RPS6KA2: variants seen among roughly 807,000 people sequenced by gnomAD.
The protein encoded by RPS6KA2 is ribosomal protein S6 kinase A2.
RPS6KA2 carries 42 observed loss-of-function variants against 91.8 expected under a neutral mutation model. The ratio of observed to expected loss-of-function variants is 0.46; its 90% CI spans 0.36 to 0.59. RPS6KA2 has a LOEUF of 0.59. Ranked by LOEUF, RPS6KA2 falls within the 20% of genes least tolerant of loss-of-function variation. The probability of loss-of-function intolerance (pLI) is 0.00; values close to 1 mark genes in which losing one functional copy is unlikely to be tolerated. For synonymous variants in RPS6KA2, 414 were observed against 393.6 expected, an observed-to-expected ratio of 1.05 and a Z score of -0.61; for missense variants, 798 against 978.5, an observed-to-expected ratio of 0.82 and a Z score of 2.46.
rs9459752 is a variant in RPS6KA2, at chr6:166,783,795, T to C, written c.123+74405A>G. Reference sequence around the variant, plus strand: ...GCACATCTATCTATAACTACATATATACACGTGCACAGTTACCTGTAACCA... The same window carrying C: ...GCACATCTATCTATAACTACATATACACACGTGCACAGTTACCTGTAACCA... On this transcript the variant is annotated intron_variant, in intron 2 of 21. Transcript: ENST00000503859. Among the ~76,000 whole-genome samples the C allele has an allele frequency of 2.6e-3, 285 of 110,908 alleles. 7 individuals carry two copies. Among genetic ancestry groups the C allele is most frequent in the East Asian group, 0.015 (74 of 4,844 alleles). The allele number at this position is 110,908 out of a possible 152,430, so 72.8% of individuals were successfully genotyped here.
At chr6:166,464,475 G>A (rs1405566022) in intron 11 of RPS6KA2, among the ~76,000 whole-genome samples, 1 of 152,178 alleles carries the variant, frequency 6.6e-6, no homozygotes, top group African/African-American at 2.4e-5. Flanking sequence ...CTAGGCCCTG[G>A]ACAGAGTTCC....
chr6:166,855,488 AGG>A, intron 2 of RPS6KA2, among the ~76,000 whole-genome samples: 1 of 126,682 alleles, frequency 7.9e-6, no homozygotes, highest in African/African-American at 3.2e-5. Flanking sequence ...GAAGAAGAAG[AGG>A]AAGAAGAAGA....
rs111780620 is a variant in RPS6KA2 at position 166,701,294 on chromosome 6, G to C, written c.123+156906C>G. The C allele has an allele frequency of 5.9e-4, 944 of 1,610,044 alleles. 4 individuals carry two copies. The African/African-American group carries it at 8.3e-3, about 14-fold the overall frequency. On this transcript the variant is annotated intron_variant, in intron 2 of 21. Transcript: ENST00000503859. ...ACAACTTCTGCACTTGACAAATTCT[G>C]AAGTTCATTCACCGTTTTGCCTCCT...
At position 166,494,479 on chromosome 6, in the gene RPS6KA2, C is replaced by A. The variant is rs114869236; in HGVS notation, c.748-3738G>T. On this transcript the variant is annotated intron_variant, in intron 8 of 20. Coordinates refer to ENST00000265678, the MANE Select transcript of RPS6KA2 (RefSeq NM_021135.6). The surrounding 1 kb of genome is among the most constrained non-coding windows in gnomAD (Gnocchi z 5.1). ...ACATTCCGTGCCCGTGGTTAAGAAA[C>A]GGGAGAAGGATAAAGTGGTCTCACG... 6.6e-6 allele frequency among the ~76,000 whole-genome samples: 1 copy of A among 152,190 alleles called. No homozygotes were observed. Among genetic ancestry groups the A allele is most frequent in the African/African-American group, 2.4e-5 (1 of 41,426 alleles).
intron 2 of RPS6KA2, among the ~76,000 whole-genome samples, chr6:166,679,093 G>A (rs1397909282): frequency 6.6e-6 from 1 of 152,186 alleles, no homozygotes; most frequent in Non-Finnish European, 1.5e-5. Flanking sequence ...TAAGTTTGGA[G>A]AAAGAAACTG....
At chr6:166,848,479 G>T (rs1780659708) in intron 2 of RPS6KA2, among the ~76,000 whole-genome samples, 2 of 152,128 alleles carry the variant, frequency 1.3e-5, no homozygotes, top group Admixed American at 1.3e-4. Context: ...AGCATAATTT[G>T]CAAATGCAAA....
rs547046908 is a variant in RPS6KA2, at chr6:166,563,902, A to G, written c.100-25118T>C. Among the ~76,000 whole-genome samples, 1 of 152,306 alleles carries G rather than the reference A, an allele frequency of 6.6e-6. No homozygotes were observed. The highest frequency in any genetic ancestry group is 6.5e-5 in the Admixed American group (1 of 15,308). On this transcript the variant is annotated intron_variant, in intron 1 of 20. Transcript: ENST00000265678. The surrounding 1 kb of genome is among the most constrained non-coding windows in gnomAD (Gnocchi z 4.1). ...CCTATTTGTAAATTACGGGCTTTCA[A>G]CACGCAGCTGGACGTGGCAGGAAAG...
intron 2 of RPS6KA2, among the ~76,000 whole-genome samples, chr6:166,810,110 G>T (rs1053045203): frequency 6.6e-6 from 1 of 152,186 alleles, no homozygotes; most frequent in Non-Finnish European, 1.5e-5. Flanking sequence ...AGTGCACGCA[G>T]GGGAGATGCC....
At chr6:166,553,048 G>C (rs1325448304) in intron 1 of RPS6KA2, among the ~76,000 whole-genome samples, 1 of 152,240 alleles carries the variant, frequency 6.6e-6, no homozygotes, top group South Asian at 2.1e-4. Flanking sequence ...ATTGCTGAAT[G>C]TAAAATTCTC....
At chr6:166,720,908 G>C (rs377626646) in intron 2 of RPS6KA2, among the ~76,000 whole-genome samples, 2 of 152,184 alleles carry the variant, frequency 1.3e-5, no homozygotes, top group African/African-American at 4.8e-5. Context: ...GAGCTCCTGT[G>C]TTTAATCTCA....
intron 1 of RPS6KA2, among the ~76,000 whole-genome samples, chr6:166,561,809 C>A (rs1784353995): frequency 6.6e-6 from 1 of 152,078 alleles, no homozygotes. Flanking sequence ...TTGGACAAGC[C>A]TGGTTTACAC....
At chr6:166,803,212 C>T (rs1779413602) in intron 2 of RPS6KA2, among the ~76,000 whole-genome samples, 1 of 152,212 alleles carries the variant, frequency 6.6e-6, no homozygotes, top group Non-Finnish European at 1.5e-5. Context: ...AAAACTTCCA[C>T]TGGTAAAGTG....
exon 1 of RPS6KA2, chr6:166,862,402 C>T (rs1781068789): frequency 2.2e-6 from 3 of 1,378,766 alleles, no homozygotes; most frequent in South Asian, 1.5e-5. Context: ...GCTGCTCGGG[C>T]GCCGTCCCCT....
At chr6:166,862,193 G>A (rs766539589) in exon 1 of RPS6KA2, 1 of 1,614,012 alleles carries the variant, frequency 6.2e-7, no homozygotes, top group South Asian at 1.1e-5. Context: ...CTTTTCTGCT[G>A]GTCGAGTATT....
intron 1 of RPS6KA2, among the ~76,000 whole-genome samples, chr6:166,597,960 T>G (rs1282299716): frequency 6.6e-6 from 1 of 152,232 alleles, no homozygotes; most frequent in East Asian, 1.9e-4. Flanking sequence ...AGAGCTTTTG[T>G]GCAAATGGTA....
chr6:166,806,996 G>A (rs1779508385), intron 2 of RPS6KA2, among the ~76,000 whole-genome samples: 1 of 151,964 alleles, frequency 6.6e-6, no homozygotes, highest in Admixed American at 6.5e-5. Context: ...TAACCACAAA[G>A]AAAATTGCTA....
At chr6:166,646,946 G>GCATTCCCA (rs1562361924) in intron 2 of RPS6KA2, among the ~76,000 whole-genome samples, 6 of 151,978 alleles carry the variant, frequency 3.9e-5, no homozygotes, top group Non-Finnish European at 8.8e-5. Flanking sequence ...TCAGCTGCTC[G>GCATTCCCA]CATTCCCACT....
chr6:166,466,637 A>C (rs1240423114), intron 11 of RPS6KA2, among the ~76,000 whole-genome samples: 1 of 152,206 alleles, frequency 6.6e-6, no homozygotes, highest in Admixed American at 6.5e-5. Flanking sequence ...GAAGGACTAG[A>C]GTGTGAGAGT....
At chr6:166,769,612 A>G (rs1414594130) in intron 2 of RPS6KA2, among the ~76,000 whole-genome samples, 1 of 152,226 alleles carries the variant, frequency 6.6e-6, no homozygotes, top group Non-Finnish European at 1.5e-5. Context: ...ACGTCCAATA[A>G]GGAAACTTAA....
Sources: allele counts gnomAD v4.1 joint callset (sites outside exome capture counted in the v4.1 genomes callset), GRCh38; gene constraint gnomAD v4.1.1; non-coding constraint Gnocchi (gnomAD v3.1); transcripts MANE v1.5; gene names NCBI Gene and HGNC (gene_info 2026-07-23, HGNC 2026-07-21).